The following KCNMA1 variants were observed in gnomAD, a reference collection of about 807,000 sequenced individuals.
KCNMA1 encodes Calcium-activated potassium channel subunit alpha-1.
Under a neutral mutation model 140.0 loss-of-function variants are expected in KCNMA1, and 29 were observed. That is an observed-to-expected ratio of 0.21 (90% confidence interval 0.15 to 0.28). The LOEUF (loss-of-function observed/expected upper bound fraction) is 0.28. Ranked by LOEUF, KCNMA1 falls within the 10% of genes least tolerant of loss-of-function variation. KCNMA1 has a pLI of 1.00. For missense variants in KCNMA1, 880 were observed against 1,602.2 expected, an observed-to-expected ratio of 0.55 and a Z score of 7.70; for synonymous variants, 612 against 611.9, an observed-to-expected ratio of 1.00 and a Z score of 0.00.
chr10:76,982,411 G>A (rs2153231770), intron 19 of KCNMA1, among the ~76,000 whole-genome samples: 1 of 152,166 alleles, frequency 6.6e-6, no homozygotes, highest in East Asian at 1.9e-4. Context: ...TATATCCCCA[G>A]ATGGAGCACA....
intron 1 of KCNMA1, among the ~76,000 whole-genome samples, chr10:77,540,660 C>T (rs1211106700): frequency 2.6e-5 from 4 of 152,178 alleles, no homozygotes; most frequent in Non-Finnish European, 4.4e-5. Context: ...TTATCACTTT[C>T]AATGTTCCCA....
At chr10:77,233,143 T>A (rs2054183766) in intron 3 of KCNMA1, among the ~76,000 whole-genome samples, 4 of 152,226 alleles carry the variant, frequency 2.6e-5, no homozygotes, top group African/African-American at 7.2e-5. Context: ...TCTTTCCTCA[T>A]TAAATGGTCT....
chr10:77,326,516 CGTG>C (rs71477080), intron 2 of KCNMA1, among the ~76,000 whole-genome samples: 3 of 151,310 alleles, frequency 2.0e-5, no homozygotes, highest in Non-Finnish European at 3.0e-5. Context: ...TGAGGACGAG[CGTG>C]GTGGTGGTGG....
chr10:76,907,671 T>A (rs2152325773), intron 25 of KCNMA1, among the ~76,000 whole-genome samples: 1 of 152,288 alleles, frequency 6.6e-6, no homozygotes, highest in African/African-American at 2.4e-5. Flanking sequence ...CCCAAGTAGC[T>A]GGGATTACAG....
At chr10:77,623,911 T>C (rs1045011647) in intron 1 of KCNMA1, among the ~76,000 whole-genome samples, 4 of 152,204 alleles carry the variant, frequency 2.6e-5, no homozygotes, top group Non-Finnish European at 2.9e-5. Context: ...AGTTAAAATT[T>C]AATGCATGGC....
chr10:76,957,789 T>C (rs901354894), intron 20 of KCNMA1, among the ~76,000 whole-genome samples: 2 of 152,218 alleles, frequency 1.3e-5, no homozygotes, highest in African/African-American at 4.8e-5. Context: ...GGAGAGGGAT[T>C]AATTTATGGC....
rs945460500 is a variant in KCNMA1 at position 77,082,554 on chromosome 10, G to C, written c.1523+2083C>G. Among the ~76,000 whole-genome samples the C allele has an allele frequency of 2.6e-5, 4 of 152,082 alleles. 1 individual carries two copies. The South Asian group carries it at 8.3e-4, about 32-fold the overall frequency. On this transcript the variant is annotated intron_variant, in intron 12 of 27. Coordinates refer to ENST00000286628, the MANE Select transcript of KCNMA1 (RefSeq NM_001161352.2). ...GGAATTTTGAAGACAGTGAAGCCAG[G>C]TTCCTTAAAGGGTTACATTTTTTTT...
At chr10:76,904,714 G>A (rs2047090802) in intron 25 of KCNMA1, 1 of 152,136 alleles carries the variant, frequency 6.6e-6, no homozygotes, top group Non-Finnish European at 1.5e-5. Context: ...CAGTGTGATT[G>A]GTATCTGTTT....
At chr10:77,199,870 C>A (rs947917869) in intron 3 of KCNMA1, among the ~76,000 whole-genome samples, 15 of 152,158 alleles carry the variant, frequency 9.9e-5, no homozygotes, top group Admixed American at 4.6e-4. Flanking sequence ...GACGGTGAAG[C>A]ATCTGTGTGC....
intron 23 of KCNMA1, among the ~76,000 whole-genome samples, chr10:76,926,436 T>C (rs1397376050): frequency 6.6e-6 from 1 of 152,190 alleles, no homozygotes; most frequent in Non-Finnish European, 1.5e-5. Context: ...CAACAGCACC[T>C]GGCACAGAGC....
chr10:77,380,761 T>C (rs2095354857), intron 2 of KCNMA1, among the ~76,000 whole-genome samples: 1 of 152,170 alleles, frequency 6.6e-6, no homozygotes, highest in African/African-American at 2.4e-5. Context: ...AAAAATCTGC[T>C]CCTCTCTACT....
chr10:76,976,437 A>G (rs1300413625), intron 19 of KCNMA1, among the ~76,000 whole-genome samples: 1 of 152,220 alleles, frequency 6.6e-6, no homozygotes, highest in Admixed American at 6.5e-5. Context: ...GGAGAGAGAA[A>G]AAAAATACTA....
intron 5 of KCNMA1, among the ~76,000 whole-genome samples, chr10:77,152,543 G>T: frequency 8.0e-6 from 1 of 124,836 alleles, no homozygotes; most frequent in Admixed American, 8.0e-5. Flanking sequence ...TACTCTGGCA[G>T]CCAGGATCTA....
In KCNMA1 at chr10:77,183,424, G is replaced by A. The variant is rs755780423; in HGVS notation, c.805C>T (p.Leu269Phe). ...AAGGAAAGAGAGGCTGACTTACCAA[G>A]CCAACTTCTGTTTAAGTACACAGAC... is the stretch of plus-strand genomic sequence containing the variant. Reference protein sequence around the residue: ...FVSVYLNRSWLGLRFLRALRL... With the variant: ...FVSVYLNRSWFGLRFLRALRL... Residue 269 changes from leucine (L) to phenylalanine (F), a missense_variant, in exon 5 of 28, where the codon CTT becomes TTT. Leu to Phe is a conservative substitution (Grantham distance 22). Around this residue, in one of 13 missense-constraint regions of KCNMA1, gnomAD observed 198 missense variants for 580.1 expected, o/e 0.34. Transcript: ENST00000286628. 1 of 1,610,440 alleles carries A rather than the reference G, an allele frequency of 6.2e-7. No individual in the cohort carries two copies. Among genetic ancestry groups the A allele is most frequent in the Non-Finnish European group, 8.5e-7 (1 of 1,176,862 alleles).
At chr10:76,871,511 A>G (rs1286087627) in exon 28 of KCNMA1, 2 of 152,252 alleles carry the variant, frequency 1.3e-5, no homozygotes, top group African/African-American at 4.8e-5. Flanking sequence ...TTTATTCAAA[A>G]ATTATTTATT....
intron 18 of KCNMA1, 134 bp downstream of exon 18, chr10:77,011,833 C>G: frequency 1.2e-6 from 1 of 804,790 alleles, no homozygotes; most frequent in South Asian, 1.5e-5. Flanking sequence ...TTTCTTTAAA[C>G]TGCTGGGTGA....
chr10:76,945,216 G>T (rs1205573625), intron 22 of KCNMA1, among the ~76,000 whole-genome samples: 1 of 152,168 alleles, frequency 6.6e-6, no homozygotes, highest in Admixed American at 6.5e-5. Flanking sequence ...TTTTAAGCTT[G>T]TTCTCAATAC....
intron 2 of KCNMA1, among the ~76,000 whole-genome samples, chr10:77,296,909 G>GA (rs199820362): frequency 2.8e-5 from 3 of 105,488 alleles, no homozygotes; most frequent in Non-Finnish European, 6.5e-5. Context: ...CTGGGTGTGT[G>GA]GGCGGGGGGG....
intron 2 of KCNMA1, among the ~76,000 whole-genome samples, chr10:77,253,127 T>A (rs993477940): frequency 6.6e-6 from 1 of 152,250 alleles, no homozygotes; most frequent in African/African-American, 2.4e-5. Flanking sequence ...TTTTGATCTG[T>A]GCTGCTATTT....
Sources: allele counts gnomAD v4.1 joint callset (sites outside exome capture counted in the v4.1 genomes callset), GRCh38; gene constraint gnomAD v4.1.1; regional missense constraint gnomAD v4.1.1; transcripts MANE v1.5; gene names NCBI Gene and HGNC (gene_info 2026-07-23, HGNC 2026-07-21).